Variants in ADAMTSL3 observed in about 807,000 individuals in gnomAD.
The protein encoded by ADAMTSL3 is ADAMTS-like protein 3.
In ADAMTSL3, 128 loss-of-function variants were observed where a neutral mutation model predicts 201.7. The observed-to-expected ratio is 0.63, with a 90% CI of 0.55 to 0.73. ADAMTSL3 has a LOEUF of 0.73. Among genes scored for constraint, ADAMTSL3 ranks in the 30% least tolerant of loss-of-function variants. ADAMTSL3 has a pLI of 0.00. For synonymous variants in ADAMTSL3, 738 were observed against 748.4 expected, an observed-to-expected ratio of 0.99 and a Z score of 0.23; for missense variants, 1,990 against 2,119.6, an observed-to-expected ratio of 0.94 and a Z score of 1.20.
At chr15:83,662,925 T>G (rs1287671165) in intron 2 of ADAMTSL3, among the ~76,000 whole-genome samples, 1 of 152,212 alleles carries the variant, frequency 6.6e-6, no homozygotes, top group Non-Finnish European at 1.5e-5. Flanking sequence ...CCCTCTGCCC[T>G]CTGGGTAGCA....
intron 3 of ADAMTSL3, among the ~76,000 whole-genome samples, chr15:83,735,871 A>C (rs150742085): frequency 6.6e-6 from 1 of 152,282 alleles, no homozygotes; most frequent in East Asian, 1.9e-4. Flanking sequence ...AAAGTCTGAA[A>C]ATGCCCCAGT....
chr15:83,962,645 T>C lies in ADAMTSL3; in HGVS notation c.2491-7839T>C, dbSNP rs770045468. 1.1e-4 allele frequency: 16 copies of C among 152,242 alleles called. 1 individual carries two copies. Among genetic ancestry groups the C allele is most frequent in the Non-Finnish European group, 1.9e-4 (13 of 68,036 alleles). The allele number at this position is 152,242 out of a possible 1,614,324, so 9.4% of individuals were successfully genotyped here. A position where few individuals can be genotyped will look rare whatever the true frequency, so the allele number is the denominator to read the frequency against. On this transcript the variant is annotated intron_variant, in intron 19 of 29. Transcript: ENST00000286744. Reference sequence around the variant, plus strand: ...ATATATGGCAGTTTGGGTGATTTTTTAAAAACTTTCCTTTTTATACATTTG... The same window carrying C: ...ATATATGGCAGTTTGGGTGATTTTTCAAAAACTTTCCTTTTTATACATTTG...
intron 5 of ADAMTSL3, among the ~76,000 whole-genome samples, chr15:83,818,662 A>G (rs1405974477): frequency 6.6e-6 from 1 of 152,152 alleles, no homozygotes; most frequent in Non-Finnish European, 1.5e-5. Context: ...GTCTTTAATT[A>G]TGAAGTTTGC....
At chr15:83,700,758 C>T (rs187762372) in intron 2 of ADAMTSL3, among the ~76,000 whole-genome samples, 5 of 151,466 alleles carry the variant, frequency 3.3e-5, no homozygotes, top group East Asian at 1.9e-4. Flanking sequence ...AGCAAGACTC[C>T]GTCTAAAAAA....
chr15:83,825,439 C>T lies in ADAMTSL3; in HGVS notation c.600+5392C>T, dbSNP rs552728388. Among the ~76,000 whole-genome samples, 301 of 152,128 alleles carry T rather than the reference C, an allele frequency of 2.0e-3. 1 individual carries two copies. Among genetic ancestry groups the T allele is most frequent in the African/African-American group, 6.7e-3 (280 of 41,500 alleles). On this transcript the variant is annotated intron_variant, in intron 6 of 29. Transcript: ENST00000286744. ...CAGCCTGGGCAACATGGGGAAACCT[C>T]GTTTCTACAAAAACTTTTTAAAAAT...
intron 4 of ADAMTSL3, among the ~76,000 whole-genome samples, chr15:83,803,711 C>T (rs905839259): frequency 1.3e-5 from 2 of 152,106 alleles, no homozygotes; most frequent in Admixed American, 6.5e-5. Context: ...GTGGCAGGGT[C>T]GCAGAGCTAG....
chr15:83,988,009 T>G (rs1286341868), intron 21 of ADAMTSL3, among the ~76,000 whole-genome samples: 4 of 152,234 alleles, frequency 2.6e-5, no homozygotes, highest in Non-Finnish European at 5.9e-5. Flanking sequence ...TCTGAATCTC[T>G]GAATTATTAT....
At chr15:83,957,529 T>A (rs1399524388) in intron 19 of ADAMTSL3, among the ~76,000 whole-genome samples, 2 of 152,158 alleles carry the variant, frequency 1.3e-5, no homozygotes, top group African/African-American at 4.8e-5. Context: ...TAGAGAGTAG[T>A]AAGTGGTTTT....
intron 7 of ADAMTSL3, 51 bp downstream of exon 7, chr15:83,838,266 A>G (rs577034379): frequency 1.3e-6 from 2 of 1,582,848 alleles, no homozygotes; most frequent in South Asian, 1.2e-5. Flanking sequence ...TATATTTTAG[A>G]CTGTCTATTG....
chr15:83,892,727 G>A lies in ADAMTSL3; in HGVS notation c.1306G>A (p.Gly436Arg), dbSNP rs772313035. ...GACTGCATGTTCCGTGTCCTGTGGA[G>A]GAGGGATTCAGAGACGGAGCTTTGT... ...PWTACSVSCG[G>R]GIQRRSFVCV... The change falls in exon 13 of 30, where the codon GGA (glycine) becomes AGA (arginine). Residue 436 changes from glycine (G) to arginine (R), a missense_variant. Coordinates refer to ENST00000286744, the MANE Select transcript of ADAMTSL3 (RefSeq NM_207517.3). The A allele has an allele frequency of 6.2e-7, 1 of 1,614,084 alleles. No homozygotes were observed. Among genetic ancestry groups the A allele is most frequent in the Non-Finnish European group, 8.5e-7 (1 of 1,179,992 alleles).
Position 83,890,240 on chromosome 15 carries a change from C to G in ADAMTSL3, c.1204C>G (p.Pro402Ala). 1 of 1,613,472 alleles carries G rather than the reference C, an allele frequency of 6.2e-7. No homozygotes were observed. Among genetic ancestry groups the G allele is most frequent in the Non-Finnish European group, 8.5e-7 (1 of 1,179,692 alleles). Residue 402 changes from proline (P) to alanine (A), a missense_variant, in exon 11 of 30, where the codon CCA becomes GCA. Transcript: ENST00000286744. ...KLKECSMDPC[P>A]SSDGFKEIMP... is the part of the protein sequence containing the mutation. Reference sequence around the variant, plus strand: ...GAAGGAATGCAGCATGGATCCCTGCCCATCAAGGTTTGTGTCATTGTCCAC... The same window carrying G: ...GAAGGAATGCAGCATGGATCCCTGCGCATCAAGGTTTGTGTCATTGTCCAC...
At chr15:83,718,780 C>A (rs1244446550) in intron 3 of ADAMTSL3, among the ~76,000 whole-genome samples, 2 of 151,838 alleles carry the variant, frequency 1.3e-5, no homozygotes, top group African/African-American at 2.4e-5. Context: ...ATGTTTATAT[C>A]ACTAAGTTAA....
chr15:83,845,056 C>T (rs946666321), intron 7 of ADAMTSL3, among the ~76,000 whole-genome samples: 24 of 152,152 alleles, frequency 1.6e-4, no homozygotes, highest in Admixed American at 5.2e-4. Context: ...GCCTTTGCAC[C>T]GACCCATCCC....
At chr15:83,720,927 C>G (rs1485262924) in intron 3 of ADAMTSL3, among the ~76,000 whole-genome samples, 2 of 152,028 alleles carry the variant, frequency 1.3e-5, no homozygotes, top group African/African-American at 4.8e-5. Context: ...AGTTTTAAAC[C>G]TTGAATTATT....
chr15:83,716,896 A>G (rs927977432), intron 3 of ADAMTSL3, among the ~76,000 whole-genome samples: 2 of 152,152 alleles, frequency 1.3e-5, no homozygotes, highest in Non-Finnish European at 2.9e-5. Context: ...GGTTTTTAAA[A>G]TTTACATTTC....
In ADAMTSL3 at chr15:84,038,582, C is replaced by A. The variant is rs548437928; in HGVS notation, c.*776C>A. On this transcript the variant is annotated 3_prime_UTR_variant, in exon 30 of 30. Transcript: ENST00000286744. ...TTAAGAGCTGTGAATGAAACTTTTTCTAAGCACTATTCTATTGCACACAAA... is the reference window on the plus strand; with the variant it reads ...TTAAGAGCTGTGAATGAAACTTTTTATAAGCACTATTCTATTGCACACAAA... The A allele has an allele frequency of 1.3e-5, 2 of 152,716 alleles. No homozygotes were observed. Among genetic ancestry groups the A allele is most frequent in the African/African-American group, 4.8e-5 (2 of 41,560 alleles). The allele number at this position is 152,716 out of a possible 1,614,324, so 9.5% of individuals were successfully genotyped here. A position where few individuals can be genotyped will look rare whatever the true frequency, so the allele number is the denominator to read the frequency against.
chr15:83,846,469 G>C (rs1372415311), intron 7 of ADAMTSL3, among the ~76,000 whole-genome samples: 1 of 152,212 alleles, frequency 6.6e-6, no homozygotes, highest in Non-Finnish European at 1.5e-5. Flanking sequence ...GTGCACCGAG[G>C]CTTAGAGTGG....
At chr15:83,744,951 C>G (rs1365466168) in intron 3 of ADAMTSL3, among the ~76,000 whole-genome samples, 1 of 152,228 alleles carries the variant, frequency 6.6e-6, no homozygotes, top group Non-Finnish European at 1.5e-5. Flanking sequence ...CACCCTCAAG[C>G]CTGGAACCCC....
At chr15:83,789,279 T>A (rs1268118053) in intron 4 of ADAMTSL3, among the ~76,000 whole-genome samples, 1 of 152,180 alleles carries the variant, frequency 6.6e-6, no homozygotes, top group Admixed American at 6.5e-5. Context: ...CCTGAGTTAT[T>A]TTTTGTTCCT....
Sources: gnomAD v4.1 joint callset for allele counts (sites outside exome capture counted in the v4.1 genomes callset) on GRCh38, gnomAD v4.1.1 for gene constraint, MANE v1.5 for transcripts, NCBI Gene and HGNC (gene_info 2026-07-23, HGNC 2026-07-21) for gene names.